Variants in MCTP2 observed in about 807,000 individuals in gnomAD.
MCTP2 encodes multiple C2 and transmembrane domain containing 2.
In MCTP2, 132 loss-of-function variants were observed where a neutral mutation model predicts 111.6. The ratio of observed to expected loss-of-function variants is 1.18; its 90% CI spans 1.03 to 1.37. The LOEUF is 1.37. Among genes scored for constraint, MCTP2 ranks in the 40% most tolerant of loss-of-function variants. The pLI, the probability that MCTP2 is intolerant of heterozygous loss-of-function variation, is 0.00. For missense variants in MCTP2, 1,183 were observed against 1,067.9 expected, an observed-to-expected ratio of 1.11 and a Z score of -1.50; for synonymous variants, 395 against 387.7, an observed-to-expected ratio of 1.02 and a Z score of -0.22.
intron 1 of MCTP2, among the ~76,000 whole-genome samples, chr15:94,286,687 TG>T (rs1360778454): frequency 6.6e-6 from 1 of 152,190 alleles, no homozygotes; most frequent in Non-Finnish European, 1.5e-5. Context: ...ATCAGAGATT[TG>T]GGGGCTGGTA....
At chr15:94,438,195 G>C (rs182710639) in intron 17 of MCTP2, among the ~76,000 whole-genome samples, 2 of 152,222 alleles carry the variant, frequency 1.3e-5, no homozygotes, top group East Asian at 3.9e-4. Flanking sequence ...GCATTCATTT[G>C]AATGGGAACT....
intron 1 of MCTP2, among the ~76,000 whole-genome samples, chr15:94,264,642 G>A (rs2073407702): frequency 6.6e-6 from 1 of 152,040 alleles, no homozygotes; most frequent in Admixed American, 6.5e-5. Context: ...TACTTGAAAT[G>A]TCAGTCATTG....
chr15:94,452,895 TCTCA>T (rs1453356235), intron 19 of MCTP2, among the ~76,000 whole-genome samples: 1 of 152,210 alleles, frequency 6.6e-6, no homozygotes, highest in Admixed American at 6.5e-5. Context: ...ATTTTCCCTG[TCTCA>T]CATGAGTAGC....
At chr15:94,240,441 C>T (rs1036355694) in intron 1 of MCTP2, among the ~76,000 whole-genome samples, 1 of 152,160 alleles carries the variant, frequency 6.6e-6, no homozygotes. Context: ...GAAATTATTT[C>T]ACCCCAAGAC....
chr15:94,433,408 A>G (rs1417269253), intron 17 of MCTP2, among the ~76,000 whole-genome samples: 2 of 152,180 alleles, frequency 1.3e-5, no homozygotes, highest in Non-Finnish European at 2.9e-5. Flanking sequence ...TGGTAGAGTA[A>G]GAAGTTTCCT....
intron 12 of MCTP2, among the ~76,000 whole-genome samples, chr15:94,380,804 T>C (rs187465558): frequency 8.4e-4 from 127 of 152,082 alleles, no homozygotes; most frequent in African/African-American, 3.0e-3. Context: ...ATGAATGATA[T>C]GACAATTGTA....
intron 20 of MCTP2, among the ~76,000 whole-genome samples, chr15:94,469,744 TG>T (rs2073750143): frequency 3.3e-5 from 5 of 152,030 alleles, no homozygotes; most frequent in Admixed American, 3.3e-4. Flanking sequence ...TGGTGTCTCT[TG>T]CCTGTAGTCC....
intron 10 of MCTP2, among the ~76,000 whole-genome samples, chr15:94,364,557 A>C (rs987360346): frequency 6.6e-6 from 1 of 152,212 alleles, no homozygotes; most frequent in Non-Finnish European, 1.5e-5. Flanking sequence ...TTAATGTATT[A>C]TAGAATGTTT....
intron 10 of MCTP2, among the ~76,000 whole-genome samples, chr15:94,362,289 T>G (rs527382230): frequency 1.3e-5 from 2 of 152,338 alleles, no homozygotes; most frequent in South Asian, 4.1e-4. Context: ...TATTCCATTT[T>G]GAGCCATTTC....
In MCTP2 at chr15:94,480,655, A is replaced by G. The variant is rs992733341; in HGVS notation, c.*1621A>G. On this transcript the variant is annotated 3_prime_UTR_variant, in exon 23 of 23. Coordinates refer to ENST00000357742, the MANE Select transcript of MCTP2 (RefSeq NM_001385001.1). Reference sequence around the variant, plus strand: ...ATTGTCTTGCTTCTAACTATCATCTAGTTTATCATAGTCTGTCATTTTGTA... The same window carrying G: ...ATTGTCTTGCTTCTAACTATCATCTGGTTTATCATAGTCTGTCATTTTGTA... The G allele has an allele frequency of 8.5e-5, 13 of 152,236 alleles. No homozygotes were observed. Among genetic ancestry groups the G allele is most frequent in the Non-Finnish European group, 1.8e-4 (12 of 68,042 alleles). The allele number at this position is 152,236 out of a possible 1,614,324, so 9.4% of individuals were successfully genotyped here.
intron 10 of MCTP2, among the ~76,000 whole-genome samples, chr15:94,365,583 C>G (rs935237095): frequency 6.6e-6 from 1 of 152,070 alleles, no homozygotes; most frequent in East Asian, 1.9e-4. Context: ...CACAGTTATT[C>G]CAATTATGGT....
At chr15:94,386,676 C>T (rs2080500372) in intron 14 of MCTP2, among the ~76,000 whole-genome samples, 2 of 152,136 alleles carry the variant, frequency 1.3e-5, no homozygotes, top group African/African-American at 4.8e-5. Flanking sequence ...CAGTTATTCC[C>T]ATGAGAATAC....
intron 17 of MCTP2, chr15:94,402,350 T>A: frequency 6.9e-7 from 1 of 1,453,082 alleles, no homozygotes; most frequent in Non-Finnish European, 9.0e-7. Context: ...ATCTGAAAAA[T>A]CACAGGACTA....
intron 19 of MCTP2, among the ~76,000 whole-genome samples, chr15:94,449,804 G>A (rs28686785): frequency 0.012 from 1,873 of 152,262 alleles, 35 homozygotes; most frequent in African/African-American, 0.043. Flanking sequence ...GTACCTGGGA[G>A]AAAACTAAAG....
At chr15:94,452,726 T>A (rs1385860024) in intron 19 of MCTP2, among the ~76,000 whole-genome samples, 2 of 152,160 alleles carry the variant, frequency 1.3e-5, no homozygotes, top group Non-Finnish European at 2.9e-5. Flanking sequence ...ATGGAAGATA[T>A]TAATGAAGCA....
chr15:94,238,066 A>G (rs578238602), intron 1 of MCTP2, among the ~76,000 whole-genome samples: 4 of 152,136 alleles, frequency 2.6e-5, no homozygotes, highest in Non-Finnish European at 4.4e-5. Context: ...AAATGTATAA[A>G]ATCAAGCTGC....
intron 1 of MCTP2, among the ~76,000 whole-genome samples, chr15:94,250,381 T>A (rs1279795556): frequency 3.3e-5 from 5 of 152,220 alleles, no homozygotes; most frequent in Non-Finnish European, 7.3e-5. Flanking sequence ...TATCCTTCAC[T>A]TGTGCTGATG....
chr15:94,314,735 A>G (rs2076302960), intron 3 of MCTP2: 3 of 463,782 alleles, frequency 6.5e-6, no homozygotes, highest in South Asian at 3.1e-5. Context: ...AGGACAGTCA[A>G]AAGTTTGAAA....
At chr15:94,359,713 G>A (rs1468199693) in intron 10 of MCTP2, among the ~76,000 whole-genome samples, 1 of 152,138 alleles carries the variant, frequency 6.6e-6, no homozygotes, top group Admixed American at 6.5e-5. Flanking sequence ...AAATGCAGAG[G>A]CCCAAGGAAG....
Sources: allele counts gnomAD v4.1 joint callset (sites outside exome capture counted in the v4.1 genomes callset), GRCh38; gene constraint gnomAD v4.1.1; transcripts MANE v1.5; gene names NCBI Gene and HGNC (gene_info 2026-07-23, HGNC 2026-07-21).